ANK2: variants seen among roughly 807,000 people sequenced by gnomAD.
ANK2 encodes ankyrin-2.
A neutral mutation model predicts 360.5 loss-of-function variants in ANK2; 83 were observed. The ratio of observed to expected loss-of-function variants is 0.23; its 90% CI spans 0.19 to 0.28. ANK2 has a LOEUF of 0.28. ANK2 is among the 10% of genes least tolerant of loss of function. The probability of loss-of-function intolerance (pLI) is 1.00; values close to 1 mark genes in which losing one functional copy is unlikely to be tolerated. For synonymous variants in ANK2, 1,740 were observed against 1,759.5 expected (o/e 0.99, Z 0.28); for missense variants, 4,201 against 4,795.7 (o/e 0.88, Z 3.66).
intron 1 of ANK2, among the ~76,000 whole-genome samples, chr4:113,142,964 C>T (rs369073204): frequency 1.3e-5 from 2 of 150,982 alleles, no homozygotes; most frequent in Non-Finnish European, 2.9e-5. Flanking sequence ...ATTTGTCACA[C>T]TTAAATATGT....
intron 4 of ANK2, among the ~76,000 whole-genome samples, chr4:113,227,267 A>G (rs796998044): frequency 3.3e-5 from 5 of 152,258 alleles, no homozygotes; most frequent in African/African-American, 9.6e-5. Flanking sequence ...ACAATAAACA[A>G]TGCTCCGATC....
the ANK2 span, among the ~76,000 whole-genome samples, chr4:112,779,654 G>T: frequency 2.0e-5 from 3 of 152,122 alleles, no homozygotes; most frequent in African/African-American, 7.2e-5. Flanking sequence ...ATTATCACTG[G>T]ATTTAGCACT....
At chr4:113,022,097 C>G (rs888768911) in intron 2 of ANK2, among the ~76,000 whole-genome samples, 8 of 152,016 alleles carry the variant, frequency 5.3e-5, no homozygotes, top group Admixed American at 6.6e-5. Context: ...CTTCTACACA[C>G]AGAGAGAGAG....
intron 2 of ANK2, among the ~76,000 whole-genome samples, chr4:113,008,675 G>C (rs1204641949): frequency 2.0e-5 from 3 of 152,040 alleles, no homozygotes; most frequent in Non-Finnish European, 4.4e-5. Context: ...CTATTTGGAG[G>C]ACACAGGGGG....
intron 1 of ANK2, among the ~76,000 whole-genome samples, chr4:113,164,395 T>TA (rs1316997168): frequency 6.6e-6 from 1 of 152,222 alleles, no homozygotes; most frequent in Non-Finnish European, 1.5e-5. Context: ...ATAGTCTCCG[T>TA]AGTTTAAGTA....
chr4:113,147,510 G>A (rs182164152), intron 1 of ANK2, among the ~76,000 whole-genome samples: 75 of 152,298 alleles, frequency 4.9e-4, no homozygotes, highest in African/African-American at 1.7e-3. Context: ...ATAGACTGGA[G>A]CATATCATGA....
At chr4:113,041,275 TC>T (rs753504959) in intron 2 of ANK2, among the ~76,000 whole-genome samples, 1 of 152,140 alleles carries the variant, frequency 6.6e-6, no homozygotes, top group African/African-American at 2.4e-5. Context: ...AGCTCTTCAC[TC>T]CCTGCATCTC....
At chr4:112,805,787 G>A in the ANK2 span, among the ~76,000 whole-genome samples, 1 of 152,008 alleles carries the variant, frequency 6.6e-6, no homozygotes, top group Non-Finnish European at 1.5e-5. Flanking sequence ...TCACTATGTT[G>A]GTCAGGCTCG....
intron 1 of ANK2, among the ~76,000 whole-genome samples, chr4:113,073,833 G>C (rs994624133): frequency 2.0e-5 from 3 of 152,196 alleles, no homozygotes; most frequent in Non-Finnish European, 4.4e-5. Context: ...CTGGAAGCTT[G>C]TGATTAATTT....
At chr4:113,256,227 G>GA in intron 11 of ANK2, among the ~76,000 whole-genome samples, 1 of 152,150 alleles carries the variant, frequency 6.6e-6, no homozygotes, top group African/African-American at 2.4e-5. Context: ...ATGGAAAATA[G>GA]AAGTTGAAAA....
intron 2 of ANK2, among the ~76,000 whole-genome samples, chr4:113,035,427 T>G (rs530195252): frequency 6.6e-6 from 1 of 152,024 alleles, no homozygotes; most frequent in South Asian, 2.1e-4. Context: ...AATAGGTATT[T>G]TTTAATCTGG....
At chr4:113,318,832 T>C (rs1418740385) in intron 26 of ANK2, among the ~76,000 whole-genome samples, 1 of 152,190 alleles carries the variant, frequency 6.6e-6, no homozygotes, top group South Asian at 2.1e-4. Flanking sequence ...TTAAAAAAAC[T>C]GACTATTGTT....
chr4:112,844,065 A>T (rs942158089), intron 1 of ANK2, among the ~76,000 whole-genome samples: 1 of 152,222 alleles, frequency 6.6e-6, no homozygotes, highest in Admixed American at 6.5e-5. Flanking sequence ...ATGTTTTTCA[A>T]GATGTGTGGA....
chr4:112,843,047 C>T (rs2062488025), intron 1 of ANK2, among the ~76,000 whole-genome samples: 1 of 152,198 alleles, frequency 6.6e-6, no homozygotes, highest in African/African-American at 2.4e-5. Flanking sequence ...TCCTCTTTGA[C>T]TCTCTTTCCT....
intron 9 of ANK2, 143 bp downstream of exon 9, chr4:113,242,352 A>G: frequency 1.3e-6 from 1 of 790,834 alleles, no homozygotes; most frequent in East Asian, 2.7e-5. Context: ...AATCTCATAC[A>G]ACATTTAAAG....
In ANK2 at chr4:113,357,018, T is replaced by C. The variant is rs758707541; in HGVS notation, c.8400T>C (p.Asp2800=). 3 of 1,614,052 alleles carry C rather than the reference T, an allele frequency of 1.9e-6. No individual in the cohort carries two copies. Among genetic ancestry groups the C allele is most frequent in the Admixed American group, 3.3e-5 (2 of 60,026 alleles). Residue 2800 remains aspartate (D), a synonymous_variant, in exon 38 of 46, where the codon GAT becomes GAC. Coordinates refer to ENST00000357077, the MANE Select transcript of ANK2 (RefSeq NM_001148.6). Reference sequence around the variant, plus strand: ...GTCTACAGAGTCCGACTGGTGATGATGTTGATGAACAGCCAGTCATCTATA... The same window carrying C: ...GTCTACAGAGTCCGACTGGTGATGACGTTGATGAACAGCCAGTCATCTATA... The part of the protein sequence containing the change: ...SSGLQSPTGD[D]VDEQPVIYKE...
intron 1 of ANK2, among the ~76,000 whole-genome samples, chr4:113,096,436 T>A (rs569763456): frequency 7.3e-4 from 111 of 152,252 alleles, no homozygotes; most frequent in Non-Finnish European, 1.3e-3. Flanking sequence ...TCCTTCTATC[T>A]TGCTTCTCTG....
At chr4:113,089,421 G>A (rs2086585270) in intron 1 of ANK2, among the ~76,000 whole-genome samples, 1 of 152,220 alleles carries the variant, frequency 6.6e-6, no homozygotes, top group Admixed American at 6.5e-5. Flanking sequence ...GAGGTAATGA[G>A]CATGGAGATG....
At chr4:112,863,214 A>G (rs1255591382) in intron 1 of ANK2, among the ~76,000 whole-genome samples, 2 of 152,160 alleles carry the variant, frequency 1.3e-5, no homozygotes, top group Non-Finnish European at 2.9e-5. Flanking sequence ...TTTAATTTTA[A>G]GTTATAGTCG....
Sources: gnomAD v4.1 joint callset for allele counts (sites outside exome capture counted in the v4.1 genomes callset) on GRCh38, gnomAD v4.1.1 for gene constraint, MANE v1.5 for transcripts, NCBI Gene and HGNC (gene_info 2026-07-23, HGNC 2026-07-21) for gene names.